Variants in TM7SF3 observed in about 807,000 individuals in gnomAD.
TM7SF3 encodes the protein seven span transmembrane protein.
A neutral mutation model predicts 65.5 loss-of-function variants in TM7SF3; 60 were observed. The ratio of observed to expected loss-of-function variants is 0.92; its 90% CI spans 0.74 to 1.14. The LOEUF (loss-of-function observed/expected upper bound fraction) is 1.14, where lower values mean the gene tolerates loss of function less well. TM7SF3 is among the 50% of genes most tolerant of loss of function. TM7SF3 has a pLI of 0.00. For missense variants in TM7SF3, 623 were observed against 684.8 expected, an observed-to-expected ratio of 0.91 and a Z score of 1.01; for synonymous variants, 264 against 259.6, an observed-to-expected ratio of 1.02 and a Z score of -0.16.
In TM7SF3 at chr12:26,982,854, C is replaced by T. The variant is rs772011376; in HGVS notation, c.874G>A (p.Val292Met). 4 of 1,594,892 alleles carry T rather than the reference C, an allele frequency of 2.5e-6. No individual in the cohort carries two copies. The highest frequency in any genetic ancestry group is 2.7e-5 in the African/African-American group (2 of 73,008). Residue 292 changes from valine (V) to methionine (M), a missense_variant, in exon 7 of 12, where the codon GTG becomes ATG. Val to Met is a conservative substitution (Grantham distance 21, BLOSUM62 1). Transcript: ENST00000343028. ...AGAGTGAAGAACACTTTGGAAGACA[C>T]TCTTCCTAAAAAATAATGAAAATTT... ...GEGSCASLGR[V>M]SSKVFFTLFA...
intron 7 of TM7SF3, among the ~76,000 whole-genome samples, chr12:26,981,101 A>G (rs917664030): frequency 6.6e-6 from 1 of 152,226 alleles, no homozygotes; most frequent in African/African-American, 2.4e-5. Flanking sequence ...TATAACTTTT[A>G]TATCTTCTTT....
chr12:26,994,660 G>T (rs1940515014), intron 5 of TM7SF3, among the ~76,000 whole-genome samples: 1 of 152,184 alleles, frequency 6.6e-6, no homozygotes, highest in Non-Finnish European at 1.5e-5. Flanking sequence ...ATCACCTGAG[G>T]GATATAAAAT....
intron 5 of TM7SF3, among the ~76,000 whole-genome samples, chr12:26,994,479 TG>T (rs1940506393): frequency 6.6e-6 from 1 of 152,150 alleles, no homozygotes; most frequent in African/African-American, 2.4e-5. Flanking sequence ...CCCAAGTAGC[TG>T]GTATTACAGG....
chr12:27,007,702 T>C (rs1456729898), intron 1 of TM7SF3, among the ~76,000 whole-genome samples: 1 of 152,162 alleles, frequency 6.6e-6, no homozygotes, highest in Non-Finnish European at 1.5e-5. Context: ...CTAAACAGCA[T>C]TCTAGCATCT....
At chr12:26,994,479 T>C (rs1940506124) in intron 5 of TM7SF3, among the ~76,000 whole-genome samples, 2 of 152,150 alleles carry the variant, frequency 1.3e-5, no homozygotes. Flanking sequence ...CCCAAGTAGC[T>C]GGTATTACAG....
At chr12:27,003,528 G>A (rs1254236349) in intron 1 of TM7SF3, 138 bp from the exon 2 acceptor site, 2 of 783,742 alleles carry the variant, frequency 2.6e-6, no homozygotes, top group African/African-American at 1.8e-5. Context: ...CTATTTCACT[G>A]CTAAAGACAA....
intron 8 of TM7SF3, chr12:26,980,322 C>T (rs1939761782): frequency 1.8e-6 from 1 of 540,876 alleles, no homozygotes; most frequent in South Asian, 2.5e-5. Context: ...AGCCAGAACA[C>T]AGGTCTATAA....
At position 26,990,589 on chromosome 12, in the gene TM7SF3, G is replaced by T. The variant is rs1940309857; in HGVS notation, c.729C>A (p.Ser243=). The T allele has an allele frequency of 1.2e-6, 2 of 1,613,900 alleles. No individual in the cohort carries two copies. The highest frequency in any genetic ancestry group is 1.7e-6 in the Non-Finnish European group (2 of 1,179,874). ...TLTANDKTSV[S]FSSLPGQGVI... ...CACCTTGTCCCGGGAGGGAGGAGAA[G>T]GAAACACTTGTCTTATCATTAGCTG... Residue 243 remains serine, a synonymous_variant, in exon 6 of 12, where the codon TCC becomes TCA. Transcript: ENST00000343028.
chr12:27,011,535 T>C (rs1176751040), intron 1 of TM7SF3, among the ~76,000 whole-genome samples: 1 of 152,222 alleles, frequency 6.6e-6, no homozygotes, highest in Non-Finnish European at 1.5e-5. Context: ...AGTTAGCTCA[T>C]CCTGCCAAAG....
At chr12:27,004,046 A>G in intron 1 of TM7SF3, among the ~76,000 whole-genome samples, 1 of 152,334 alleles carries the variant, frequency 6.6e-6, no homozygotes, top group East Asian at 1.9e-4. Flanking sequence ...CTTAAGGATC[A>G]AACTGAGTCC....
At position 26,972,394 on chromosome 12, in the gene TM7SF3, G is replaced by T. The variant is rs1939396917; in HGVS notation, c.*1571C>A. ...AACTATGAAGTACAAATTTTTCTAA[G>T]GTTTTCTTATTAATGGCAATACAGA... is the stretch of plus-strand genomic sequence containing the variant. On this transcript the variant is annotated 3_prime_UTR_variant, in exon 12 of 12. Coordinates refer to ENST00000343028, the MANE Select transcript of TM7SF3 (RefSeq NM_016551.3). 6.6e-6 allele frequency: 1 copy of T among 151,582 alleles called. No individual in the cohort carries two copies. Among genetic ancestry groups the T allele is most frequent in the African/African-American group, 2.4e-5 (1 of 41,198 alleles). The allele number at this position is 151,582 out of a possible 1,614,324, so 9.4% of individuals were successfully genotyped here. A position where few individuals can be genotyped will look rare whatever the true frequency, so the allele number is the denominator to read the frequency against.
At chr12:27,007,612 T>C (rs1037949909) in intron 1 of TM7SF3, among the ~76,000 whole-genome samples, 1 of 151,398 alleles carries the variant, frequency 6.6e-6, no homozygotes, top group Non-Finnish European at 1.5e-5. Flanking sequence ...AAGGTCCAGG[T>C]ATCAATTAAA....
chr12:26,982,183 C>T (rs1939846940), intron 7 of TM7SF3, among the ~76,000 whole-genome samples: 1 of 152,068 alleles, frequency 6.6e-6, no homozygotes, highest in East Asian at 1.9e-4. Context: ...TACAGGCACA[C>T]ACCATCAAGC....
intron 9 of TM7SF3, 147 bp downstream of exon 9, chr12:26,979,637 G>C: frequency 1.2e-6 from 1 of 816,932 alleles, no homozygotes; most frequent in East Asian, 2.7e-5. Context: ...TCCTGGTGCT[G>C]TCTGAAAGTG....
chr12:26,995,209 C>T (rs770999192), intron 5 of TM7SF3, 28 bp downstream of exon 5: 1 of 1,598,370 alleles, frequency 6.3e-7, no homozygotes. Context: ...CACAATCCAG[C>T]CACACAAATC....
chr12:26,996,908 T>C (rs1257989272), intron 3 of TM7SF3, 46 bp from the exon 4 acceptor site: 1 of 1,561,568 alleles, frequency 6.4e-7, no homozygotes, highest in Non-Finnish European at 8.6e-7. Context: ...TTCCTACATA[T>C]CCAAATCATA....
chr12:27,004,285 C>T lies in TM7SF3; in HGVS notation c.92-895G>A, dbSNP rs569227873. On this transcript the variant is annotated intron_variant, in intron 1 of 11. Coordinates refer to ENST00000343028, the MANE Select transcript of TM7SF3 (RefSeq NM_016551.3). The stretch of plus-strand genomic sequence containing the variant: ...CGGTCCTGGATTCCTACCCCACCCC[C>T]CATCCTACAGTCAGTATCTGTCTGC... Among the ~76,000 whole-genome samples the T allele has an allele frequency of 2.0e-5, 3 of 152,254 alleles. 1 individual carries two copies. The highest frequency in any genetic ancestry group is 4.8e-5 in the African/African-American group (2 of 41,558).
chr12:27,000,512 T>C (rs987581103), intron 2 of TM7SF3, among the ~76,000 whole-genome samples: 7 of 152,064 alleles, frequency 4.6e-5, no homozygotes, highest in African/African-American at 1.7e-4. Context: ...CAGGCTAGAG[T>C]GCAGTGGCGC....
At position 26,985,678 on chromosome 12, in the gene TM7SF3, T is replaced by TAC. The variant is rs551151393; in HGVS notation, c.869-2821_869-2820dup. ...ATATATATATATATATATATATATATACACACACACAAACATATCTGCCAA... is the reference window on the plus strand; with the variant it reads ...ATATATATATATATATATATATATATACACACACACACAAACATATCTGCCAA... On this transcript the variant is annotated intron_variant, in intron 6 of 11. Coordinates refer to ENST00000343028, the MANE Select transcript of TM7SF3 (RefSeq NM_016551.3). Among the ~76,000 whole-genome samples the TAC allele has an allele frequency of 4.2e-3, 458 of 107,968 alleles. 1 individual carries two copies. The highest frequency in any genetic ancestry group is 0.012 in the African/African-American group (311 of 25,092). 70.8% of individuals were successfully genotyped at this position (107,968 alleles called of 152,430 possible). A position where few individuals can be genotyped will look rare whatever the true frequency, so the allele number is the denominator to read the frequency against.
Sources: gnomAD v4.1 joint callset for allele counts (sites outside exome capture counted in the v4.1 genomes callset) on GRCh38, gnomAD v4.1.1 for gene constraint, MANE v1.5 for transcripts, NCBI Gene and HGNC (gene_info 2026-07-23, HGNC 2026-07-21) for gene names.